BCAS3: variants seen among roughly 807,000 people sequenced by gnomAD.
BCAS3 encodes the protein BCAS4/BCAS3 fusion.
In BCAS3, 53 loss-of-function variants were observed where a neutral mutation model predicts 116.1. That is an observed-to-expected ratio of 0.46 (90% confidence interval 0.37 to 0.57). BCAS3 has a LOEUF of 0.57. Ranked by LOEUF, BCAS3 falls within the 20% of genes least tolerant of loss-of-function variation. The pLI is 0.00. For missense variants in BCAS3, 917 were observed against 1,165.4 expected (o/e 0.79, Z 3.10); for synonymous variants, 391 against 408.2 (o/e 0.96, Z 0.51).
At chr17:60,810,717 G>T in intron 7 of BCAS3, 1 of 663,088 alleles carries the variant, frequency 1.5e-6, no homozygotes, top group East Asian at 3.0e-5. Flanking sequence ...ACATCCATGG[G>T]CTCTGCAAGG....
At chr17:61,209,008 CAT>C (rs1173597341) in intron 22 of BCAS3, among the ~76,000 whole-genome samples, 2 of 151,948 alleles carry the variant, frequency 1.3e-5, no homozygotes, top group African/African-American at 4.8e-5. Flanking sequence ...AATGTTGAAA[CAT>C]ATGGTCTCAT....
intron 22 of BCAS3, among the ~76,000 whole-genome samples, chr17:61,257,677 T>C (rs2048893957): frequency 6.6e-6 from 1 of 152,204 alleles, no homozygotes; most frequent in Non-Finnish European, 1.5e-5. Context: ...GGTAACATTA[T>C]GTAGAGGGAG....
Position 61,346,418 on chromosome 17 carries a change from C to T in BCAS3, c.2426-21909C>T, listed in dbSNP as rs1336715840. Among the ~76,000 whole-genome samples the T allele has an allele frequency of 6.6e-6, 1 of 152,204 alleles. No homozygotes were observed. The highest frequency in any genetic ancestry group is 1.5e-5 in the Non-Finnish European group (1 of 68,040). On this transcript the variant is annotated intron_variant, in intron 22 of 23. Transcript: ENST00000407086. This position sits in a 1 kb window ranked among gnomAD's most constrained non-coding sequence, Gnocchi z 5.4. Reference sequence around the variant, plus strand: ...CCGGTTCCAGCTCTGTGGCCTAATACAAAGTCACTTTATACCTCAGCTTCT... The same window carrying T: ...CCGGTTCCAGCTCTGTGGCCTAATATAAAGTCACTTTATACCTCAGCTTCT...
At chr17:60,799,248 A>G (rs548253992) in intron 6 of BCAS3, among the ~76,000 whole-genome samples, 7 of 152,268 alleles carry the variant, frequency 4.6e-5, no homozygotes, top group Admixed American at 1.3e-4. Flanking sequence ...AAAAAATCTT[A>G]TTTTGAAACA....
rs149347822 is a variant in BCAS3 at position 61,047,041 on chromosome 17, A to C, written c.2029+6149A>C. 5.2e-3 allele frequency among the ~76,000 whole-genome samples: 787 copies of C among 152,096 alleles called. 6 individuals are homozygous for C. Among genetic ancestry groups the C allele is most frequent in the African/African-American group, 0.018 (728 of 41,530 alleles). On this transcript the variant is annotated intron_variant, in intron 19 of 23. Transcript: ENST00000407086. ...AAAAAGGGTGGCTTGTGGTGGAAGG[A>C]AGGGGGAACCAGCCCTAAACACTAA...
At chr17:61,043,839 A>G (rs920794309) in intron 19 of BCAS3, among the ~76,000 whole-genome samples, 1 of 152,056 alleles carries the variant, frequency 6.6e-6, no homozygotes, top group South Asian at 2.1e-4. Context: ...GAAATGCACA[A>G]CAATAAATGT....
chr17:60,728,144 A>C (rs989120477), intron 5 of BCAS3, among the ~76,000 whole-genome samples: 1 of 152,096 alleles, frequency 6.6e-6, no homozygotes, highest in Non-Finnish European at 1.5e-5. Flanking sequence ...GTGTTTTGAC[A>C]GATAATATAA....
At chr17:61,358,958 G>A (rs1298533819) in intron 22 of BCAS3, among the ~76,000 whole-genome samples, 1 of 152,116 alleles carries the variant, frequency 6.6e-6, no homozygotes, top group Non-Finnish European at 1.5e-5. Context: ...CCCACCCTCA[G>A]ATGTGGGGAG....
intron 17 of BCAS3, among the ~76,000 whole-genome samples, chr17:61,035,070 A>C (rs1032408025): frequency 6.6e-6 from 1 of 152,118 alleles, no homozygotes; most frequent in African/African-American, 2.4e-5. Context: ...TACCCATTTT[A>C]TACCTTTTAC....
chr17:61,087,369 C>T lies in BCAS3; in HGVS notation c.2425+2805C>T, dbSNP rs1699296149. 4.1e-6 allele frequency: 1 copy of T among 245,020 alleles called. No homozygotes were observed. Among genetic ancestry groups the T allele is most frequent in the Non-Finnish European group, 6.5e-6 (1 of 153,148 alleles). 15.2% of individuals were successfully genotyped at this position (245,020 alleles called of 1,614,324 possible). A position where few individuals can be genotyped will look rare whatever the true frequency, so the allele number is the denominator to read the frequency against. ...TACACCTAACCCTCTATTTTAGTGA[C>T]AGCTCTTGCTCTGTCTAACCTTGTG... On this transcript the variant is annotated intron_variant, in intron 22 of 23. Transcript: ENST00000407086. The surrounding 1 kb of genome is among the most constrained non-coding windows in gnomAD (Gnocchi z 4.6).
chr17:61,139,699 A>G lies in BCAS3; in HGVS notation c.2425+55135A>G, dbSNP rs2076822899. ...CATGCTACATGATGTAGGGAATATAAAAAATGAAGAAGGCATGCTCCCTGG... is the reference window on the plus strand; with the variant it reads ...CATGCTACATGATGTAGGGAATATAGAAAATGAAGAAGGCATGCTCCCTGG... On this transcript the variant is annotated intron_variant, in intron 22 of 23. Coordinates refer to ENST00000407086, the MANE Select transcript of BCAS3 (RefSeq NM_017679.5). This position sits in a 1 kb window ranked among gnomAD's most constrained non-coding sequence, Gnocchi z 4.7. Among the ~76,000 whole-genome samples, 1 of 152,218 alleles carries G rather than the reference A, an allele frequency of 6.6e-6. No homozygotes were observed. The highest frequency in any genetic ancestry group is 2.1e-4 in the South Asian group (1 of 4,834).
chr17:61,137,906 G>A (rs1263775300), intron 22 of BCAS3, among the ~76,000 whole-genome samples: 1 of 152,214 alleles, frequency 6.6e-6, no homozygotes, highest in Non-Finnish European at 1.5e-5. Context: ...CCACTGAGGA[G>A]CCACTGTTTT....
At chr17:60,838,932 T>A (rs910408367) in intron 7 of BCAS3, among the ~76,000 whole-genome samples, 1 of 152,162 alleles carries the variant, frequency 6.6e-6, no homozygotes, top group South Asian at 2.1e-4. Context: ...GCTCAAGTGG[T>A]CCTCCTGCCT....
In BCAS3 at chr17:60,771,706, C is replaced by T. The variant is rs537332018; in HGVS notation, c.403+24427C>T. On this transcript the variant is annotated intron_variant, in intron 6 of 23. Transcript: ENST00000407086. The stretch of plus-strand genomic sequence containing the variant: ...CCTAATGCTATCCCTCCCCTGTCCC[C>T]CTATCCCACGACAGGCCCCAGTGTG... 2.0e-4 allele frequency among the ~76,000 whole-genome samples: 31 copies of T among 152,296 alleles called. No homozygotes were observed. The South Asian group carries it at 6.4e-3, about 32-fold the overall frequency.
At chr17:60,900,535 C>T (rs940990087) in intron 10 of BCAS3, among the ~76,000 whole-genome samples, 4 of 152,168 alleles carry the variant, frequency 2.6e-5, no homozygotes, top group African/African-American at 9.7e-5. Flanking sequence ...TGTTAGTTCT[C>T]TGTTGAATTC....
intron 5 of BCAS3, among the ~76,000 whole-genome samples, chr17:60,741,474 C>T (rs1013180780): frequency 2.0e-5 from 3 of 152,186 alleles, no homozygotes; most frequent in African/African-American, 4.8e-5. Context: ...GCTGCTTAAT[C>T]GAGTCCTTGA....
chr17:61,235,885 G>C lies in BCAS3; in HGVS notation c.2426-132442G>C, dbSNP rs1602090781. Reference sequence around the variant, plus strand: ...GCTACTGGGAGCCACAGGGTAATCAGCTCACATGACATACCCAGAGGCGAA... The same window carrying C: ...GCTACTGGGAGCCACAGGGTAATCACCTCACATGACATACCCAGAGGCGAA... On this transcript the variant is annotated intron_variant, in intron 22 of 23. Coordinates refer to ENST00000407086, the MANE Select transcript of BCAS3 (RefSeq NM_017679.5). This position sits in a 1 kb window ranked among gnomAD's most constrained non-coding sequence, Gnocchi z 5.0. Among the ~76,000 whole-genome samples the C allele has an allele frequency of 1.3e-5, 2 of 152,160 alleles. No homozygotes were observed. Among genetic ancestry groups the C allele is most frequent in the East Asian group, 1.9e-4 (1 of 5,194 alleles).
chr17:60,757,012 A>C (rs546305799), intron 6 of BCAS3, among the ~76,000 whole-genome samples: 3 of 152,084 alleles, frequency 2.0e-5, no homozygotes, highest in African/African-American at 7.2e-5. Flanking sequence ...AAAATACAAA[A>C]ATTAGCTGGG....
Position 60,911,544 on chromosome 17 carries a change from C to T in BCAS3, c.993+842C>T, listed in dbSNP as rs565942822. The stretch of plus-strand genomic sequence containing the variant: ...GACTCCTGACCTCAAGTGATCTGTC[C>T]GCCTTGGCCTCCCAAAGTGCTGGGA... On this transcript the variant is annotated intron_variant, in intron 12 of 23. Transcript: ENST00000407086. 5.1e-4 allele frequency among the ~76,000 whole-genome samples: 77 copies of T among 152,280 alleles called. 1 individual carries two copies. In the South Asian group the frequency reaches 0.013, roughly 26 times the overall value.
Sources: gnomAD v4.1 joint callset for allele counts (sites outside exome capture counted in the v4.1 genomes callset) on GRCh38, gnomAD v4.1.1 for gene constraint, Gnocchi (gnomAD v3.1) non-coding constraint, MANE v1.5 for transcripts, NCBI Gene and HGNC (gene_info 2026-07-23, HGNC 2026-07-21) for gene names.